Variants in PCBP3 observed in about 807,000 individuals in gnomAD.
PCBP3 encodes poly(rC)-binding protein 3.
In PCBP3, 25 loss-of-function variants were observed where a neutral mutation model predicts 52.7. The observed-to-expected ratio is 0.47, with a 90% CI of 0.35 to 0.66. The LOEUF (loss-of-function observed/expected upper bound fraction) is 0.66, where lower values mean the gene tolerates loss of function less well. Among genes scored for constraint, PCBP3 ranks in the 30% least tolerant of loss-of-function variants. The probability of loss-of-function intolerance (pLI) is 0.01; values close to 1 mark genes in which losing one functional copy is unlikely to be tolerated. For missense variants in PCBP3, 391 were observed against 490.3 expected (o/e 0.80, Z 1.91); for synonymous variants, 162 against 183.0 (o/e 0.89, Z 0.93).
At chr21:45,785,553 G>A (rs1394894935) in intron 4 of PCBP3, among the ~76,000 whole-genome samples, 2 of 151,244 alleles carry the variant, frequency 1.3e-5, no homozygotes, top group African/African-American at 4.9e-5. Context: ...CATCCGGGAG[G>A]TGAGGGGCGC....
rs2085994404 is a variant in PCBP3 at position 45,737,748 on chromosome 21, G to C, written c.-162+2319G>C. ...ATAGGTACCTGTGGCCTCTTCTGCT[G>C]GTGGGAATGGAGGTGCCATGAGCAC... On this transcript the variant is annotated intron_variant, in intron 3 of 17. Coordinates refer to ENST00000681687, the MANE Select transcript of PCBP3 (RefSeq NM_001384156.1). The surrounding 1 kb of genome is among the most constrained non-coding windows in gnomAD (Gnocchi z 4.9). 6.6e-6 allele frequency among the ~76,000 whole-genome samples: 1 copy of C among 152,214 alleles called. No individual in the cohort carries two copies. Among genetic ancestry groups the C allele is most frequent in the African/African-American group, 2.4e-5 (1 of 41,456 alleles).
chr21:45,899,565 ACAT>A, intron 6 of PCBP3, 31 bp from the exon 7 acceptor site: 1 of 1,589,146 alleles, frequency 6.3e-7, no homozygotes. Context: ...CTGCTCTATG[ACAT>A]CATCTTTCTG....
At chr21:45,734,100 T>C (rs539218387) in intron 2 of PCBP3, among the ~76,000 whole-genome samples, 1 of 152,364 alleles carries the variant, frequency 6.6e-6, no homozygotes, top group Non-Finnish European at 1.5e-5. Flanking sequence ...CTTGGAAAGT[T>C]CAGATTTTTT....
chr21:45,762,914 A>AG (rs2088859975), intron 4 of PCBP3: 1 of 152,214 alleles, frequency 6.6e-6, no homozygotes, highest in Non-Finnish European at 1.5e-5. Context: ...CAACCCTTCC[A>AG]GGGGGTCATG....
chr21:45,690,163 T>C (rs1482469206), intron 2 of PCBP3, among the ~76,000 whole-genome samples: 1 of 151,716 alleles, frequency 6.6e-6, no homozygotes, highest in Non-Finnish European at 1.5e-5. Context: ...GAACACAGAG[T>C]CTAAAAATAG....
intron 5 of PCBP3, among the ~76,000 whole-genome samples, chr21:45,879,469 A>G (rs1307232083): frequency 6.6e-6 from 1 of 152,224 alleles, no homozygotes; most frequent in Non-Finnish European, 1.5e-5. Context: ...GGAGAAATGA[A>G]TGGAGCTTCC....
intron 4 of PCBP3, among the ~76,000 whole-genome samples, chr21:45,849,289 C>T (rs914111669): frequency 6.6e-6 from 1 of 151,646 alleles, no homozygotes; most frequent in Non-Finnish European, 1.5e-5. Context: ...CACTGCAACC[C>T]CCGCCTCCTG....
rs570816830 is a variant in PCBP3 at position 45,841,795 on chromosome 21, A to G, written c.-125-8166A>G. Among the ~76,000 whole-genome samples, 4 of 152,334 alleles carry G rather than the reference A, an allele frequency of 2.6e-5. No individual in the cohort carries two copies. In the East Asian group the frequency reaches 7.7e-4, roughly 29 times the overall value. ...CAAAGTAGCATTCCTAGCCTCAGCA[A>G]CCAAGAGGTCTCTCTGTTATTACGG... On this transcript the variant is annotated intron_variant, in intron 4 of 17. Transcript: ENST00000681687.
At chr21:45,716,583 C>T (rs1029972391) in intron 2 of PCBP3, among the ~76,000 whole-genome samples, 10 of 152,126 alleles carry the variant, frequency 6.6e-5, no homozygotes, top group African/African-American at 2.2e-4. Context: ...TGTAAGGACA[C>T]TAGTTCTTTT....
chr21:45,676,901 AGCT>A (rs2081503004), intron 2 of PCBP3, among the ~76,000 whole-genome samples: 1 of 152,034 alleles, frequency 6.6e-6, no homozygotes, highest in African/African-American at 2.4e-5. Context: ...CCTCCCGAGT[AGCT>A]GGGATTACAG....
intron 4 of PCBP3, among the ~76,000 whole-genome samples, chr21:45,847,264 A>T (rs548711340): frequency 6.6e-6 from 1 of 151,752 alleles, no homozygotes; most frequent in African/African-American, 2.4e-5. Flanking sequence ...CCTATTTTTC[A>T]TGCTTCAGTC....
chr21:45,681,679 A>G (rs889511481), intron 2 of PCBP3, among the ~76,000 whole-genome samples: 4 of 152,264 alleles, frequency 2.6e-5, no homozygotes, highest in Middle Eastern at 6.8e-3. Flanking sequence ...TTTTGCATCT[A>G]TATTCATGAG....
intron 2 of PCBP3, among the ~76,000 whole-genome samples, chr21:45,679,010 C>T (rs115617105): frequency 0.023 from 3,520 of 151,884 alleles, 144 homozygotes; most frequent in African/African-American, 0.081. Flanking sequence ...TCAGCAGCCA[C>T]CAACATCCAG....
chr21:45,782,778 CAAAA>C (rs1283906070), intron 4 of PCBP3, among the ~76,000 whole-genome samples: 1 of 151,970 alleles, frequency 6.6e-6, no homozygotes. Flanking sequence ...AAACCAAAGA[CAAAA>C]AAAATCTTAA....
At chr21:45,793,472 G>C (rs557954372) in intron 4 of PCBP3, among the ~76,000 whole-genome samples, 1 of 152,110 alleles carries the variant, frequency 6.6e-6, no homozygotes, top group Non-Finnish European at 1.5e-5. Flanking sequence ...TCCATATTCT[G>C]TTTAACAGGA....
At chr21:45,941,573 G>C in intron 17 of PCBP3, 97 bp from the exon 18 acceptor site, 1 of 1,129,974 alleles carries the variant, frequency 8.8e-7, no homozygotes, top group Non-Finnish European at 1.3e-6. Context: ...GCCTGTCCCA[G>C]CGAGCACAGA....
At chr21:45,820,315 C>G (rs1356470237) in intron 4 of PCBP3, among the ~76,000 whole-genome samples, 1 of 152,274 alleles carries the variant, frequency 6.6e-6, no homozygotes, top group Admixed American at 6.5e-5. Flanking sequence ...GGTCGTTGCG[C>G]CTACCTGGCC....
At chr21:45,771,932 A>G (rs566103355) in intron 4 of PCBP3, among the ~76,000 whole-genome samples, 41 of 152,240 alleles carry the variant, frequency 2.7e-4, no homozygotes, top group Non-Finnish European at 5.3e-4. Context: ...ACAAAAATCA[A>G]TTGTATATCT....
At chr21:45,783,902 TCACA>T (rs951206426) in intron 4 of PCBP3, among the ~76,000 whole-genome samples, 1 of 152,196 alleles carries the variant, frequency 6.6e-6, no homozygotes, top group African/African-American at 2.4e-5. Flanking sequence ...AGCAGGACTT[TCACA>T]CACACAAAGC....
Sources: allele counts gnomAD v4.1 joint callset (sites outside exome capture counted in the v4.1 genomes callset), GRCh38; gene constraint gnomAD v4.1.1; non-coding constraint Gnocchi (gnomAD v3.1); transcripts MANE v1.5; gene names NCBI Gene and HGNC (gene_info 2026-07-23, HGNC 2026-07-21).